NRL: variants seen among roughly 807,000 people sequenced by gnomAD.
NRL encodes neural retina leucine zipper, also known as neural retina-specific leucine zipper protein.
NRL carries 16 observed loss-of-function variants against 12.5 expected under a neutral mutation model. That is an observed-to-expected ratio of 1.28 (90% CI 0.87 to 1.95). The LOEUF (loss-of-function observed/expected upper bound fraction) is 1.95, where lower values mean the gene tolerates loss of function less well. Among genes scored for constraint, NRL ranks in the 30% most tolerant of loss-of-function variants. NRL has a pLI of 0.00. For missense variants in NRL, 314 were observed against 325.8 expected, an observed-to-expected ratio of 0.96 and a Z score of 0.28; for synonymous variants, 142 against 150.9, an observed-to-expected ratio of 0.94 and a Z score of 0.43.
intron 1 of NRL, among the ~76,000 whole-genome samples, chr14:24,104,822 G>A (rs1459723677): frequency 6.6e-6 from 1 of 152,120 alleles, no homozygotes; most frequent in African/African-American, 2.4e-5. Context: ...CCCCCTGCCT[G>A]ACCTGGCACT....
chr14:24,094,470 T>G lies in NRL; in HGVS notation c.-27-11595A>C. Reference sequence around the variant, plus strand: ...CCCGGCCCGGGGCCCACCCGCACCTTCCGCTGCGCTCGCCCCCTCGGGGCT... The same window carrying G: ...CCCGGCCCGGGGCCCACCCGCACCTGCCGCTGCGCTCGCCCCCTCGGGGCT... On this transcript the variant is annotated intron_variant, in intron 1 of 2. Coordinates refer to ENST00000561028, the MANE Select transcript of NRL (RefSeq NM_001354768.3). The surrounding 1 kb of genome is among the most constrained non-coding windows in gnomAD (Gnocchi z 4.1). 6.7e-7 allele frequency: 1 copy of G among 1,502,774 alleles called. No individual in the cohort carries two copies. Among genetic ancestry groups the G allele is most frequent in the Non-Finnish European group, 8.8e-7 (1 of 1,132,980 alleles). The allele number at this position is 1,502,774 out of a possible 1,614,324, so 93.1% of individuals were successfully genotyped here.
At chr14:24,090,536 T>C (rs2036594394) in intron 1 of NRL, among the ~76,000 whole-genome samples, 1 of 152,146 alleles carries the variant, frequency 6.6e-6, no homozygotes, top group African/African-American at 2.4e-5. Flanking sequence ...CTCAAGGAAG[T>C]ACTCAGCTGT....
At chr14:24,083,077 A>G (rs562241208) in intron 1 of NRL, among the ~76,000 whole-genome samples, 4 of 152,346 alleles carry the variant, frequency 2.6e-5, no homozygotes, top group African/African-American at 9.6e-5. Context: ...ACAGGGGACA[A>G]GCAGCTGAAT....
intron 1 of NRL, chr14:24,099,250 G>A (rs1555341730): frequency 1.9e-6 from 3 of 1,583,244 alleles, no homozygotes; most frequent in Non-Finnish European, 2.6e-6. Context: ...AGGGCCTGGT[G>A]AGAAGCAGGG....
intron 1 of NRL, among the ~76,000 whole-genome samples, chr14:24,107,362 C>G (rs2037354618): frequency 6.6e-6 from 1 of 152,102 alleles, no homozygotes; most frequent in South Asian, 2.1e-4. Flanking sequence ...AGAAGACCAT[C>G]TAAAACAAAG....
At chr14:24,082,255 G>T (rs1306552698) in intron 2 of NRL, among the ~76,000 whole-genome samples, 2 of 152,006 alleles carry the variant, frequency 1.3e-5, no homozygotes, top group Admixed American at 1.3e-4. Context: ...GCTCCTCCTG[G>T]TTCAGCCTAC....
chr14:24,080,941 A>T lies in NRL; in HGVS notation c.*295T>A. On this transcript the variant is annotated 3_prime_UTR_variant, in exon 3 of 3. Transcript: ENST00000561028. ...TCCTCCACCTCCCATTCACTGTGTC[A>T]CCACACTTCCACCCCCCAGTGCCTG... The T allele has an allele frequency of 3.1e-6, 1 of 322,926 alleles. No homozygotes were observed. The highest frequency in any genetic ancestry group is 5.6e-6 in the Non-Finnish European group (1 of 177,840). The allele number at this position is 322,926 out of a possible 1,614,324, so 20.0% of individuals were successfully genotyped here.
intron 1 of NRL, chr14:24,103,539 A>C (rs775896036): frequency 1.3e-6 from 2 of 1,563,124 alleles, no homozygotes; most frequent in Admixed American, 3.7e-5. Context: ...CCCATTTGCC[A>C]TGCGGCCCTT....
In NRL at chr14:24,081,787, G is replaced by A. The variant is rs1376015232; in HGVS notation, c.382-219C>T. 6.6e-7 allele frequency: 1 copy of A among 1,515,392 alleles called. No individual in the cohort carries two copies. The highest frequency in any genetic ancestry group is 8.8e-7 in the Non-Finnish European group (1 of 1,136,292). 93.9% of individuals were successfully genotyped at this position (1,515,392 alleles called of 1,614,324 possible). ...GCTGACCGTTGCTCCAGTCAGGCGG[G>A]CGCCCCACGGTGCAGGGCCGGCCAC... On this transcript the variant is annotated intron_variant, in intron 2 of 2. Transcript: ENST00000561028. The surrounding 1 kb of genome is among the most constrained non-coding windows in gnomAD (Gnocchi z 4.4).
At chr14:24,098,792 TC>T in intron 1 of NRL, 1 of 894,678 alleles carries the variant, frequency 1.1e-6, no homozygotes, top group Non-Finnish European at 1.7e-6. Flanking sequence ...GCAACCTAAT[TC>T]CCAAGATCCA....
intron 1 of NRL, among the ~76,000 whole-genome samples, chr14:24,090,180 T>C (rs1443244429): frequency 6.8e-6 from 1 of 147,470 alleles, no homozygotes; most frequent in Non-Finnish European, 1.5e-5. Context: ...ATTAGAGGAC[T>C]AATGCCGTAA....
rs1232184501 is a variant in NRL, at chr14:24,088,825, T to C, written c.-27-5950A>G. On this transcript the variant is annotated intron_variant, in intron 1 of 2. Transcript: ENST00000561028. ...CTAATTTTTTTTTTTTTTTTTTTTTTCACAGAGTCTTGCTCTGTCCCCCAG... is the reference window on the plus strand; with the variant it reads ...CTAATTTTTTTTTTTTTTTTTTTTTCCACAGAGTCTTGCTCTGTCCCCCAG... Among the ~76,000 whole-genome samples, 17 of 137,924 alleles carry C rather than the reference T, an allele frequency of 1.2e-4. No homozygotes were observed. The East Asian group carries it at 1.6e-3, about 13-fold the overall frequency. 90.5% of individuals were successfully genotyped at this position (137,924 alleles called of 152,430 possible).
intron 1 of NRL, chr14:24,102,640 A>C (rs1254815799): frequency 4.7e-6 from 4 of 852,028 alleles, no homozygotes; most frequent in Non-Finnish European, 7.4e-6. Flanking sequence ...GGTTCTAGGC[A>C]GCTGATGAGG....
At chr14:24,089,457 G>A (rs112815094) in intron 1 of NRL, among the ~76,000 whole-genome samples, 81 of 151,722 alleles carry the variant, frequency 5.3e-4, no homozygotes, top group African/African-American at 1.9e-3. Context: ...TGTTGTTCAG[G>A]CTGGTCTTAA....
intron 1 of NRL, chr14:24,100,473 T>C: frequency 2.4e-6 from 2 of 838,340 alleles, no homozygotes; most frequent in Non-Finnish European, 3.4e-6. Context: ...GTTGTGATAG[T>C]ACCTATCTCA....
chr14:24,098,511 C>T (rs781135451), intron 1 of NRL: 11 of 1,614,156 alleles, frequency 6.8e-6, no homozygotes, highest in Non-Finnish European at 8.5e-6. Context: ...AGCATGGGTC[C>T]TGTGGGCTCC....
Position 24,094,371 on chromosome 14 carries a change from G to C in NRL, c.-27-11496C>G, listed in dbSNP as rs1241849172. The C allele has an allele frequency of 6.5e-7, 1 of 1,538,544 alleles. No homozygotes were observed. The highest frequency in any genetic ancestry group is 8.7e-7 in the Non-Finnish European group (1 of 1,144,276). ...TTCCATACCTCCCCGGCTCCGCTCG[G>C]TTCCTGGCCACCCCGCAGCCCCTGC... is the stretch of plus-strand genomic sequence containing the variant. On this transcript the variant is annotated intron_variant, in intron 1 of 2. Coordinates refer to ENST00000561028, the MANE Select transcript of NRL (RefSeq NM_001354768.3). This position sits in a 1 kb window ranked among gnomAD's most constrained non-coding sequence, Gnocchi z 4.1.
intron 1 of NRL, among the ~76,000 whole-genome samples, chr14:24,105,302 C>T (rs1439011102): frequency 6.6e-6 from 1 of 152,248 alleles, no homozygotes; most frequent in Non-Finnish European, 1.5e-5. Context: ...TCCGGTGAAC[C>T]CACAACCTTC....
intron 1 of NRL, among the ~76,000 whole-genome samples, chr14:24,109,771 T>A (rs1481794120): frequency 6.6e-6 from 1 of 152,116 alleles, no homozygotes; most frequent in African/African-American, 2.4e-5. Context: ...TTATATTCTT[T>A]CCCATGTGAT....
Sources: allele counts gnomAD v4.1 joint callset (sites outside exome capture counted in the v4.1 genomes callset), GRCh38; gene constraint gnomAD v4.1.1; non-coding constraint Gnocchi (gnomAD v3.1); transcripts MANE v1.5; gene names NCBI Gene and HGNC (gene_info 2026-07-23, HGNC 2026-07-21).